PCDHGB2: variants seen among roughly 807,000 people sequenced by gnomAD.
PCDHGB2 encodes protocadherin gamma subfamily B, 2.
A neutral mutation model predicts 59.3 loss-of-function variants in PCDHGB2; 55 were observed. The ratio of observed to expected loss-of-function variants is 0.93; its 90% CI spans 0.75 to 1.16. The LOEUF is 1.16. Ranked by LOEUF, PCDHGB2 falls within the 50% of genes most tolerant of loss-of-function variation. PCDHGB2 has a pLI of 0.00. For missense variants in PCDHGB2, 1,228 were observed against 1,198.5 expected, an observed-to-expected ratio of 1.02 and a Z score of -0.36; for synonymous variants, 516 against 512.0, an observed-to-expected ratio of 1.01 and a Z score of -0.11.
intron 1 of PCDHGB2, chr5:141,479,217 A>G (rs1433108919): frequency 1.3e-5 from 2 of 152,400 alleles, no homozygotes; most frequent in Non-Finnish European, 2.9e-5. Context: ...TTAAAAAATT[A>G]AAACTATAAT....
chr5:141,477,180 C>T lies in PCDHGB2; in HGVS notation c.2422-17627C>T. On this transcript the variant is annotated intron_variant, in intron 1 of 3. Coordinates refer to ENST00000522605, the MANE Select transcript of PCDHGB2 (RefSeq NM_018923.3). This position sits in a 1 kb window ranked among gnomAD's most constrained non-coding sequence, Gnocchi z 4.9. ...GACAACGCCCCGGAGATCACAGTCA[C>T]CTCCGTGTACAGCCCAGTACCCGAG... 1 of 1,614,196 alleles carries T rather than the reference C, an allele frequency of 6.2e-7. No homozygotes were observed. The highest frequency in any genetic ancestry group is 8.5e-7 in the Non-Finnish European group (1 of 1,180,032).
chr5:141,394,488 G>C lies in PCDHGB2; in HGVS notation c.2421+31932G>C, dbSNP rs753312224. 7.4e-6 allele frequency: 12 copies of C among 1,614,196 alleles called. No homozygotes were observed. In the South Asian group the frequency reaches 1.1e-4, roughly 15 times the overall value. ...GTTCGTGCTGGACCAGAATGACAAC[G>C]CGCCCGAGATCCTGTACCCCGCCCT... is the stretch of plus-strand genomic sequence containing the variant. On this transcript the variant is annotated intron_variant, in intron 1 of 3. Transcript: ENST00000522605.
intron 1 of PCDHGB2, chr5:141,365,363 C>G (rs1305690731): frequency 1.2e-6 from 2 of 1,613,900 alleles, no homozygotes; most frequent in Middle Eastern, 1.6e-4. Flanking sequence ...TGACAATGCC[C>G]CCGAAGTGAT....
intron 1 of PCDHGB2, chr5:141,366,348 C>T (rs374896827): frequency 6.2e-7 from 1 of 1,613,948 alleles, no homozygotes; most frequent in Admixed American, 1.7e-5. Context: ...GACATCCTGG[C>T]TGACCTAGGC....
Position 141,472,217 on chromosome 5 carries a change from C to T in PCDHGB2, c.2422-22590C>T, listed in dbSNP as rs181908144. On this transcript the variant is annotated intron_variant, in intron 1 of 3. Transcript: ENST00000522605. ...CTTTTTGACACTAAGACCTTACTCTCGATCATATAATACATTCACTTTCTA... is the reference window on the plus strand; with the variant it reads ...CTTTTTGACACTAAGACCTTACTCTTGATCATATAATACATTCACTTTCTA... Among the ~76,000 whole-genome samples the T allele has an allele frequency of 3.1e-4, 47 of 152,234 alleles. 1 individual carries two copies. The highest frequency in any genetic ancestry group is 1.1e-3 in the African/African-American group (44 of 41,538).
intron 1 of PCDHGB2, chr5:141,408,115 C>A (rs2095044760): frequency 9.6e-6 from 14 of 1,461,430 alleles, no homozygotes; most frequent in South Asian, 2.9e-5. Flanking sequence ...GGGACTCCTC[C>A]TGTCCTGGGC....
Position 141,476,102 on chromosome 5 carries a change from C to G in PCDHGB2, c.2422-18705C>G, listed in dbSNP as rs1488747783. The G allele has an allele frequency of 1.3e-6, 2 of 1,576,940 alleles. No homozygotes were observed. Among genetic ancestry groups the G allele is most frequent in the African/African-American group, 2.7e-5 (2 of 73,926 alleles). ...ACGATCTGGACCCCGCTGAGAGGAA[C>G]TGCTTTTGAGTGAGATGGTCCCAGA... On this transcript the variant is annotated intron_variant, in intron 1 of 3. Transcript: ENST00000522605. The surrounding 1 kb of genome is among the most constrained non-coding windows in gnomAD (Gnocchi z 7.6).
intron 2 of PCDHGB2, among the ~76,000 whole-genome samples, chr5:141,497,522 G>A (rs998999424): frequency 3.3e-5 from 5 of 150,848 alleles, no homozygotes; most frequent in African/African-American, 4.9e-5. Flanking sequence ...TAGTTAACTT[G>A]TGGAGGATGC....
chr5:141,408,174 C>T, intron 1 of PCDHGB2: 3 of 1,531,244 alleles, frequency 2.0e-6, no homozygotes, highest in Non-Finnish European at 1.8e-6. Flanking sequence ...ACTGGAAAAG[C>T]GGGGACCCAG....
At chr5:141,370,524 G>C in intron 1 of PCDHGB2, 1 of 1,613,890 alleles carries the variant, frequency 6.2e-7, no homozygotes, top group Non-Finnish European at 8.5e-7. Context: ...GCTGGACAGG[G>C]GCTCGCTGGT....
intron 1 of PCDHGB2, chr5:141,374,632 A>T: frequency 1.2e-6 from 2 of 1,613,162 alleles, no homozygotes; most frequent in Non-Finnish European, 1.7e-6. Context: ...TGGACGTGCA[A>T]AGCGAAGCCC....
At chr5:141,495,020 C>G in intron 2 of PCDHGB2, 155 bp downstream of exon 2, 1 of 976,790 alleles carries the variant, frequency 1.0e-6, no homozygotes, top group Non-Finnish European at 1.2e-6. Context: ...GGCTGGCACA[C>G]AGACCCCGGA....
At position 141,405,308 on chromosome 5, in the gene PCDHGB2, GA is replaced by G. The variant is rs776065617; in HGVS notation, c.2421+42753del. 15 of 1,614,096 alleles carry G rather than the reference GA, an allele frequency of 9.3e-6. No individual in the cohort carries two copies. The African/African-American group carries it at 1.9e-4, about 20-fold the overall frequency. On this transcript the variant is annotated intron_variant, in intron 1 of 3. Transcript: ENST00000522605. The stretch of plus-strand genomic sequence containing the variant: ...CACACTCATCAGCCAGCAGAGCTGT[GA>G]GAAAAATGAGCCTTTGTGCGTCTCT...
intron 1 of PCDHGB2, chr5:141,373,843 C>T (rs1769882527): frequency 2.3e-6 from 1 of 442,614 alleles, no homozygotes; most frequent in Non-Finnish European, 4.0e-6. Flanking sequence ...AGTTAGGACT[C>T]TAAGCGTCGC....
Position 141,361,681 on chromosome 5 carries a change from G to A in PCDHGB2, c.1546G>A (p.Ala516Thr). ...GAGCGCGCAGAGCGGGGTGGTGTTC[G>A]CGCAGCGCGCCTTCGATCATGAGCA... The part of the protein sequence containing the change: ...SVSAQSGVVF[A>T]QRAFDHEQLR... Residue 516 changes from alanine (A) to threonine (T), a missense_variant, in exon 1 of 4, where the codon GCG (alanine) becomes ACG (threonine). Transcript: ENST00000522605. The A allele has an allele frequency of 1.2e-6, 2 of 1,613,558 alleles. No homozygotes were observed. The highest frequency in any genetic ancestry group is 1.7e-5 in the Admixed American group (1 of 60,028).
At chr5:141,371,574 A>G (rs1180063377) in intron 1 of PCDHGB2, 2 of 1,613,828 alleles carry the variant, frequency 1.2e-6, no homozygotes, top group East Asian at 4.5e-5. Flanking sequence ...CCCCTTTAAA[A>G]TCGTTCAAGA....
chr5:141,491,616 C>T lies in PCDHGB2; in HGVS notation c.2422-3191C>T. 1 of 1,613,944 alleles carries T rather than the reference C, an allele frequency of 6.2e-7. No homozygotes were observed. Among genetic ancestry groups the T allele is most frequent in the South Asian group, 1.1e-5 (1 of 91,082 alleles). On this transcript the variant is annotated intron_variant, in intron 1 of 3. Coordinates refer to ENST00000522605, the MANE Select transcript of PCDHGB2 (RefSeq NM_018923.3). The surrounding 1 kb of genome is among the most constrained non-coding windows in gnomAD (Gnocchi z 6.9). ...GCAGTGACTTCACTTTTCTAAGACC[C>T]CTCAGCGTTCAGCAGCCCACAGCTC...
chr5:141,371,913 G>A lies in PCDHGB2; in HGVS notation c.2421+9357G>A, dbSNP rs569737317. ...GCGGGAGCTGTCGTCCTACGTGTCC[G>A]TGAGCGCGCGGAGCGGGGTGGTGTT... is the stretch of plus-strand genomic sequence containing the variant. On this transcript the variant is annotated intron_variant, in intron 1 of 3. Transcript: ENST00000522605. 28 of 1,613,394 alleles carry A rather than the reference G, an allele frequency of 1.7e-5. No homozygotes were observed. The highest frequency in any genetic ancestry group is 1.6e-4 in the African/African-American group (12 of 75,086).
At chr5:141,371,274 C>G in intron 1 of PCDHGB2, 1 of 1,613,982 alleles carries the variant, frequency 6.2e-7, no homozygotes, top group South Asian at 1.1e-5. Context: ...ACTGTTCAAG[C>G]TGGACAGTAA....
Sources: allele counts gnomAD v4.1 joint callset (sites outside exome capture counted in the v4.1 genomes callset), GRCh38; gene constraint gnomAD v4.1.1; non-coding constraint Gnocchi (gnomAD v3.1); transcripts MANE v1.5; gene names NCBI Gene and HGNC (gene_info 2026-07-23, HGNC 2026-07-21).